Variants in PLXDC2 observed in about 807,000 individuals in gnomAD.
PLXDC2 encodes plexin domain-containing protein 2.
In PLXDC2, 40 loss-of-function variants were observed where a neutral mutation model predicts 68.9. The ratio of observed to expected loss-of-function variants is 0.58; its 90% CI spans 0.45 to 0.76. The LOEUF (loss-of-function observed/expected upper bound fraction) is 0.76, where lower values mean the gene tolerates loss of function less well. Ranked by LOEUF, PLXDC2 falls within the 30% of genes least tolerant of loss-of-function variation. The pLI is 0.00. For missense variants in PLXDC2, 644 were observed against 661.9 expected, an observed-to-expected ratio of 0.97 and a Z score of 0.30; for synonymous variants, 243 against 234.2, an observed-to-expected ratio of 1.04 and a Z score of -0.34.
chr10:20,076,443 A>G (rs1425551165), intron 4 of PLXDC2, among the ~76,000 whole-genome samples: 4 of 152,218 alleles, frequency 2.6e-5, no homozygotes, highest in Admixed American at 6.5e-5. Flanking sequence ...CACAATAAAA[A>G]TACCTGGTGC....
At chr10:19,870,859 G>A (rs1837521154) in intron 1 of PLXDC2, among the ~76,000 whole-genome samples, 1 of 152,168 alleles carries the variant, frequency 6.6e-6, no homozygotes, top group African/African-American at 2.4e-5. Flanking sequence ...CTGTGCACTG[G>A]ATTCTGTGTT....
intron 13 of PLXDC2, among the ~76,000 whole-genome samples, chr10:20,267,046 C>T (rs1191208558): frequency 1.3e-5 from 2 of 152,058 alleles, no homozygotes; most frequent in Non-Finnish European, 2.9e-5. Flanking sequence ...ACTCTGTTTT[C>T]CCAAAAGAAC....
chr10:20,131,638 G>A (rs1227550998), intron 4 of PLXDC2, among the ~76,000 whole-genome samples: 1 of 152,092 alleles, frequency 6.6e-6, no homozygotes, highest in East Asian at 1.9e-4. Context: ...GACCTCAGGT[G>A]ATCCACCTGC....
chr10:20,044,937 A>T (rs1370257869), intron 2 of PLXDC2, among the ~76,000 whole-genome samples: 1 of 152,170 alleles, frequency 6.6e-6, no homozygotes, highest in Non-Finnish European at 1.5e-5. Context: ...TACCGCGGAC[A>T]CATTCACAGT....
At position 20,280,392 on chromosome 10, in the gene PLXDC2, C is replaced by G. The variant is rs1201129691; in HGVS notation, c.*573C>G. The G allele has an allele frequency of 6.6e-6, 1 of 152,598 alleles. No individual in the cohort carries two copies. Among genetic ancestry groups the G allele is most frequent in the East Asian group, 1.9e-4 (1 of 5,198 alleles). The allele number at this position is 152,598 out of a possible 1,614,324, so 9.5% of individuals were successfully genotyped here. A position where few individuals can be genotyped will look rare whatever the true frequency, so the allele number is the denominator to read the frequency against. On this transcript the variant is annotated 3_prime_UTR_variant, in exon 14 of 14. Coordinates refer to ENST00000377252, the MANE Select transcript of PLXDC2 (RefSeq NM_032812.9). The stretch of plus-strand genomic sequence containing the variant: ...GGCAAAAGGATGTTGTTTTTCTGGT[C>G]TAGATCCATCTGTACCAACAAGTTC...
At chr10:20,237,481 G>A (rs1353991943) in intron 12 of PLXDC2, among the ~76,000 whole-genome samples, 3 of 152,150 alleles carry the variant, frequency 2.0e-5, no homozygotes, top group Non-Finnish European at 4.4e-5. Flanking sequence ...AAGTTAAAGA[G>A]GTAAGAGAGA....
chr10:20,112,328 A>G (rs1833569826), intron 4 of PLXDC2, among the ~76,000 whole-genome samples: 1 of 148,174 alleles, frequency 6.7e-6, no homozygotes, highest in South Asian at 2.2e-4. Context: ...AATTGTTCAC[A>G]TAGGAAAATG....
intron 3 of PLXDC2, among the ~76,000 whole-genome samples, chr10:20,064,462 C>T (rs527925858): frequency 3.9e-5 from 6 of 152,142 alleles, no homozygotes; most frequent in Non-Finnish European, 4.4e-5. Flanking sequence ...CCTTGCGATC[C>T]GCCTACCTTG....
chr10:20,146,410 T>C (rs1391347811), intron 5 of PLXDC2, among the ~76,000 whole-genome samples: 1 of 151,340 alleles, frequency 6.6e-6, no homozygotes, highest in Non-Finnish European at 1.5e-5. Context: ...CTTCCTTGCT[T>C]CCTTTTCTTT....
chr10:20,167,028 A>G (rs371800493), intron 7 of PLXDC2, among the ~76,000 whole-genome samples: 42 of 152,310 alleles, frequency 2.8e-4, no homozygotes, highest in African/African-American at 8.9e-4. Context: ...CCCTCACACA[A>G]TTTGCATACT....
At chr10:20,149,237 T>C (rs1412556041) in intron 6 of PLXDC2, among the ~76,000 whole-genome samples, 2 of 125,254 alleles carry the variant, frequency 1.6e-5, no homozygotes, top group South Asian at 2.8e-4. Flanking sequence ...TTCTTTTTTT[T>C]TTTTTTTTTT....
intron 13 of PLXDC2, among the ~76,000 whole-genome samples, chr10:20,250,139 G>A (rs368539890): frequency 1.3e-5 from 2 of 151,868 alleles, no homozygotes; most frequent in African/African-American, 4.8e-5. Context: ...ATGGTGGTAC[G>A]TGCCTGTAAT....
At chr10:20,272,053 G>A (rs1835947552) in intron 13 of PLXDC2, among the ~76,000 whole-genome samples, 1 of 152,128 alleles carries the variant, frequency 6.6e-6, no homozygotes, top group Admixed American at 6.5e-5. Context: ...CAACAAAGTG[G>A]CCAATAGTGG....
At chr10:20,147,083 T>G (rs996530871) in intron 5 of PLXDC2, among the ~76,000 whole-genome samples, 1 of 152,162 alleles carries the variant, frequency 6.6e-6, no homozygotes, top group Non-Finnish European at 1.5e-5. Flanking sequence ...ACTATTAAAC[T>G]ATGTTTCAGT....
chr10:20,225,585 G>T (rs1342123133), intron 12 of PLXDC2, among the ~76,000 whole-genome samples: 1 of 152,068 alleles, frequency 6.6e-6, no homozygotes, highest in Non-Finnish European at 1.5e-5. Flanking sequence ...ATACTGAAAA[G>T]TTCTTCTACT....
chr10:19,991,258 A>C (rs1476606126), intron 1 of PLXDC2, among the ~76,000 whole-genome samples: 4 of 150,800 alleles, frequency 2.7e-5, no homozygotes, highest in Non-Finnish European at 5.9e-5. Context: ...AAAAAAAAAA[A>C]ACAACAACTG....
At chr10:19,933,759 A>G (rs564367160) in intron 1 of PLXDC2, among the ~76,000 whole-genome samples, 2 of 151,316 alleles carry the variant, frequency 1.3e-5, no homozygotes, top group South Asian at 4.2e-4. Flanking sequence ...ACTGAAAAGG[A>G]AGATAAAGTA....
At position 19,931,079 on chromosome 10, in the gene PLXDC2, C is replaced by T. The variant is rs141583494; in HGVS notation, c.113-70696C>T. On this transcript the variant is annotated intron_variant, in intron 1 of 13. Coordinates refer to ENST00000377252, the MANE Select transcript of PLXDC2 (RefSeq NM_032812.9). ...TGGGATTCAGAGCAGCCAGTGTTGT[C>T]TTCTGCAACCCGCAAACACCCATGG... 9.8e-5 allele frequency among the ~76,000 whole-genome samples: 15 copies of T among 152,334 alleles called. No individual in the cohort carries two copies. The East Asian group carries it at 2.9e-3, about 29-fold the overall frequency.
rs773268286 is a variant in PLXDC2 at position 20,046,998 on chromosome 10, A to T, written c.454A>T (p.Thr152Ser). Residue 152 changes from threonine (T) to serine (S), a missense_variant, in exon 3 of 14, where the codon ACT (threonine) becomes TCT (serine). Thr to Ser is a moderately conservative substitution (Grantham distance 58). Around this residue, in one of 3 missense-constraint regions of PLXDC2, gnomAD observed 113 missense variants for 167.1 expected, o/e 0.68. Transcript: ENST00000377252. ...GAAGATTCATGGAATATTGTCCAAT[A>T]CTCATCGGCAAGCTGCAGTAAGTGT... is the stretch of plus-strand genomic sequence containing the variant. ...KVKIHGILSN[T>S]HRQAARVNLS... 9 of 1,603,002 alleles carry T rather than the reference A, an allele frequency of 5.6e-6. No homozygotes were observed. The highest frequency in any genetic ancestry group is 1.1e-5 in the South Asian group (1 of 88,752).
Sources: allele counts gnomAD v4.1 joint callset (sites outside exome capture counted in the v4.1 genomes callset), GRCh38; gene constraint gnomAD v4.1.1; regional missense constraint gnomAD v4.1.1; transcripts MANE v1.5; gene names NCBI Gene and HGNC (gene_info 2026-07-23, HGNC 2026-07-21).